PLEKHA2: variants seen among roughly 807,000 people sequenced by gnomAD.
The protein encoded by PLEKHA2 is pleckstrin homology domain containing A2.
A neutral mutation model predicts 53.2 loss-of-function variants in PLEKHA2; 28 were observed. The observed-to-expected ratio is 0.53, with a 90% CI of 0.39 to 0.72. The LOEUF is 0.72. PLEKHA2 is among the 30% of genes least tolerant of loss of function. The pLI is 0.00. For synonymous variants in PLEKHA2, 193 were observed against 196.4 expected (o/e 0.98, Z 0.14); for missense variants, 426 against 537.9 (o/e 0.79, Z 2.06).
At chr8:38,969,137 G>A in intron 11 of PLEKHA2, 2 of 415,248 alleles carry the variant, frequency 4.8e-6, no homozygotes, top group Non-Finnish European at 8.7e-6. Flanking sequence ...CTGACCTCAG[G>A]TGATCCACTT....
At chr8:38,914,796 A>T (rs1834007444) in intron 1 of PLEKHA2, among the ~76,000 whole-genome samples, 2 of 152,182 alleles carry the variant, frequency 1.3e-5, no homozygotes, top group South Asian at 4.1e-4. Flanking sequence ...GCTCTCAGAG[A>T]GGCCTAAGAA....
At chr8:38,958,328 A>AC (rs1027864934) in intron 10 of PLEKHA2, among the ~76,000 whole-genome samples, 136 of 151,916 alleles carry the variant, frequency 9.0e-4, no homozygotes, top group African/African-American at 3.1e-3. Flanking sequence ...GTCTCAAAAA[A>AC]AAGGGAAACA....
At chr8:38,969,348 T>C in intron 11 of PLEKHA2, 73 bp from the exon 12 acceptor site, 4 of 1,530,594 alleles carry the variant, frequency 2.6e-6, no homozygotes, top group Non-Finnish European at 3.5e-6. Context: ...GTACTCTTTC[T>C]GGGACTCTGT....
intron 4 of PLEKHA2, 41 bp from the exon 5 acceptor site, chr8:38,946,083 G>T: frequency 1.3e-6 from 2 of 1,496,046 alleles, no homozygotes; most frequent in South Asian, 2.4e-5. Flanking sequence ...CTTGTATTCT[G>T]ACCTAGGAAT....
At chr8:38,913,547 C>G (rs535395307) in intron 1 of PLEKHA2, among the ~76,000 whole-genome samples, 1 of 152,288 alleles carries the variant, frequency 6.6e-6, no homozygotes, top group Admixed American at 6.5e-5. Flanking sequence ...TAGCGATAGT[C>G]CTTGCAGCCC....
intron 2 of PLEKHA2, among the ~76,000 whole-genome samples, chr8:38,924,956 T>C (rs1834258079): frequency 6.6e-6 from 1 of 152,254 alleles, no homozygotes; most frequent in South Asian, 2.1e-4. Flanking sequence ...TTATTGATTA[T>C]GGACACTGAT....
At chr8:38,954,067 C>T (rs973502511) in intron 9 of PLEKHA2, among the ~76,000 whole-genome samples, 1 of 152,152 alleles carries the variant, frequency 6.6e-6, no homozygotes, top group Admixed American at 6.5e-5. Context: ...CTTTTTCTGG[C>T]CACCAATCTG....
intron 11 of PLEKHA2, 100 bp from the exon 12 acceptor site, chr8:38,969,321 G>A (rs1835198224): frequency 1.5e-6 from 2 of 1,374,198 alleles, no homozygotes; most frequent in Admixed American, 5.2e-5. Flanking sequence ...GACTTATGAG[G>A]TGGTGATCCT....
intron 10 of PLEKHA2, among the ~76,000 whole-genome samples, chr8:38,967,315 GT>G (rs1483901428): frequency 3.9e-5 from 6 of 152,086 alleles, no homozygotes; most frequent in Admixed American, 2.6e-4. Flanking sequence ...TTTATTTTAG[GT>G]TTGGGGGCAC....
At chr8:38,940,055 C>T (rs562530205) in intron 3 of PLEKHA2, among the ~76,000 whole-genome samples, 4 of 148,870 alleles carry the variant, frequency 2.7e-5, no homozygotes, top group Non-Finnish European at 4.4e-5. Context: ...GACTGCACCT[C>T]CACACTCCAG....
At chr8:38,911,527 G>A (rs1030797099) in intron 1 of PLEKHA2, among the ~76,000 whole-genome samples, 1 of 152,108 alleles carries the variant, frequency 6.6e-6, no homozygotes, top group Non-Finnish European at 1.5e-5. Flanking sequence ...GTGAGCCACC[G>A]TGCCAGGCCC....
rs138351600 is a variant in PLEKHA2 at position 38,916,934 on chromosome 8, G to T, written c.-23-973G>T. ...TTTCTCCACTTCCTCACCAGCATTT[G>T]TTGTTGCCTGTCTTTTGGATAAAAG... On this transcript the variant is annotated intron_variant, in intron 1 of 11. Transcript: ENST00000617275. Among the ~76,000 whole-genome samples, 357 of 152,250 alleles carry T rather than the reference G, an allele frequency of 2.3e-3. 9 individuals carry two copies. In the East Asian group the frequency reaches 0.059, roughly 25 times the overall value.
chr8:38,921,667 A>C (rs905931531), intron 2 of PLEKHA2, among the ~76,000 whole-genome samples: 1 of 152,150 alleles, frequency 6.6e-6, no homozygotes, highest in African/African-American at 2.4e-5. Context: ...CTGCTAGCTG[A>C]GCTCTCAGGG....
At chr8:38,903,753 G>C (rs1048170659) in intron 1 of PLEKHA2, among the ~76,000 whole-genome samples, 1 of 152,196 alleles carries the variant, frequency 6.6e-6, no homozygotes, top group African/African-American at 2.4e-5. Context: ...ATGAGAGCTT[G>C]CTGCAGACCA....
intron 2 of PLEKHA2, among the ~76,000 whole-genome samples, chr8:38,932,715 G>A (rs749256121): frequency 1.2e-4 from 19 of 152,198 alleles, no homozygotes; most frequent in South Asian, 4.1e-4. Context: ...GACCCTGAGC[G>A]TCACTTTGGA....
intron 10 of PLEKHA2, among the ~76,000 whole-genome samples, chr8:38,966,809 T>C (rs1835145452): frequency 6.6e-6 from 1 of 152,180 alleles, no homozygotes; most frequent in Admixed American, 6.5e-5. Flanking sequence ...TTTTTTTGTA[T>C]AAATTTAAGG....
chr8:38,963,828 GCTGAGTTACTAT>G lies in PLEKHA2; in HGVS notation c.838-4761_838-4750del, dbSNP rs370288275. On this transcript the variant is annotated intron_variant, in intron 10 of 11. Coordinates refer to ENST00000617275, the MANE Select transcript of PLEKHA2 (RefSeq NM_021623.2). ...TTAGGGAGTAGCATTTATCTTCATG[GCTGAGTTACTAT>G]CTAGGTTATCTGACCGAAAAATGTT... Among the ~76,000 whole-genome samples, 118 of 152,196 alleles carry G rather than the reference GCTGAGTTACTAT, an allele frequency of 7.8e-4. 2 individuals carry two copies. In the Middle Eastern group the frequency reaches 0.02, roughly 26 times the overall value.
At chr8:38,968,349 C>T (rs1411666776) in intron 10 of PLEKHA2, among the ~76,000 whole-genome samples, 2 of 152,168 alleles carry the variant, frequency 1.3e-5, no homozygotes, top group Non-Finnish European at 2.9e-5. Flanking sequence ...TTTCCCCTTC[C>T]TCACAGCCTG....
At chr8:38,925,218 A>G (rs1297832804) in intron 2 of PLEKHA2, among the ~76,000 whole-genome samples, 1 of 152,200 alleles carries the variant, frequency 6.6e-6, no homozygotes, top group Non-Finnish European at 1.5e-5. Context: ...TGTTACTACA[A>G]TATTATGGCA....
Sources: gnomAD v4.1 joint callset for allele counts (sites outside exome capture counted in the v4.1 genomes callset) on GRCh38, gnomAD v4.1.1 for gene constraint, MANE v1.5 for transcripts, NCBI Gene and HGNC (gene_info 2026-07-23, HGNC 2026-07-21) for gene names.